Variants in DLGAP1 observed in about 807,000 individuals in gnomAD.
DLGAP1 encodes DLG associated protein 1.
DLGAP1 carries 11 observed loss-of-function variants against 90.8 expected under a neutral mutation model. That is an observed-to-expected ratio of 0.12 (90% CI 0.08 to 0.20). The LOEUF (loss-of-function observed/expected upper bound fraction) is 0.20, where lower values mean the gene tolerates loss of function less well. DLGAP1 is among the 10% of genes least tolerant of loss of function. The probability of loss-of-function intolerance (pLI) is 1.00; values close to 1 mark genes in which losing one functional copy is unlikely to be tolerated. For missense variants in DLGAP1, 1,050 were observed against 1,333.8 expected (o/e 0.79, Z 3.31); for synonymous variants, 558 against 540.7 (o/e 1.03, Z -0.44).
At chr18:3,809,644 T>C (rs1277131300) in intron 5 of DLGAP1, among the ~76,000 whole-genome samples, 1 of 152,244 alleles carries the variant, frequency 6.6e-6, no homozygotes, top group African/African-American at 2.4e-5. Context: ...TGACTATTTC[T>C]TCCAGGGGGA....
intron 1 of DLGAP1, among the ~76,000 whole-genome samples, chr18:4,397,625 A>G (rs1316824394): frequency 1.3e-5 from 2 of 152,102 alleles, no homozygotes; most frequent in Non-Finnish European, 2.9e-5. Flanking sequence ...TTTTTTCATA[A>G]GCAGTACAAG....
At chr18:4,360,597 T>G (rs532003342) in intron 1 of DLGAP1, among the ~76,000 whole-genome samples, 43 of 152,344 alleles carry the variant, frequency 2.8e-4, no homozygotes, top group Non-Finnish European at 5.3e-4. Context: ...AATTCAGTGT[T>G]ATGAATACAG....
At chr18:3,571,959 T>G (rs998373939) in intron 8 of DLGAP1, among the ~76,000 whole-genome samples, 7 of 152,184 alleles carry the variant, frequency 4.6e-5, no homozygotes, top group African/African-American at 1.7e-4. Context: ...TTTTTGTACC[T>G]TTATATTTTG....
At chr18:4,019,032 CAA>C (rs1432214742) in intron 2 of DLGAP1, among the ~76,000 whole-genome samples, 2 of 152,140 alleles carry the variant, frequency 1.3e-5, no homozygotes, top group Non-Finnish European at 1.5e-5. Flanking sequence ...TGAATTTTTT[CAA>C]AATTAATGAC....
chr18:3,908,953 A>C (rs1283082838), intron 3 of DLGAP1, among the ~76,000 whole-genome samples: 1 of 151,724 alleles, frequency 6.6e-6, no homozygotes. Context: ...TGTTCTGGTC[A>C]CAAGGTATAG....
chr18:4,082,617 T>G (rs1326484002), intron 2 of DLGAP1, among the ~76,000 whole-genome samples: 3 of 151,796 alleles, frequency 2.0e-5, no homozygotes, highest in African/African-American at 7.2e-5. Flanking sequence ...CTAGTAAATT[T>G]GCATATCTTT....
chr18:4,083,747 C>A (rs1256662962), intron 2 of DLGAP1, among the ~76,000 whole-genome samples: 1 of 152,058 alleles, frequency 6.6e-6, no homozygotes, highest in Non-Finnish European at 1.5e-5. Flanking sequence ...GGGGAGCATG[C>A]AGATGAGCAG....
intron 3 of DLGAP1, among the ~76,000 whole-genome samples, chr18:3,918,619 G>C (rs2072198933): frequency 6.6e-6 from 1 of 152,176 alleles, no homozygotes; most frequent in African/African-American, 2.4e-5. Flanking sequence ...TTCCCCCTAA[G>C]TTTTCTCTGA....
intron 2 of DLGAP1, among the ~76,000 whole-genome samples, chr18:4,065,936 A>G (rs2075364594): frequency 6.8e-6 from 1 of 147,478 alleles, no homozygotes; most frequent in Non-Finnish European, 1.5e-5. Flanking sequence ...AGCTACAGTA[A>G]TCAAAACAGC....
chr18:4,240,460 T>C (rs1336047800), intron 1 of DLGAP1, among the ~76,000 whole-genome samples: 3 of 152,144 alleles, frequency 2.0e-5, no homozygotes, highest in Non-Finnish European at 2.9e-5. Flanking sequence ...GTAAGTCTTT[T>C]AATAGGTTTC....
At chr18:4,120,091 T>A (rs2076128371) in intron 2 of DLGAP1, among the ~76,000 whole-genome samples, 1 of 152,234 alleles carries the variant, frequency 6.6e-6, no homozygotes, top group African/African-American at 2.4e-5. Context: ...ATCACTACTT[T>A]GAAAATGAAT....
At chr18:3,890,132 G>T (rs1422736848) in intron 3 of DLGAP1, among the ~76,000 whole-genome samples, 2 of 152,222 alleles carry the variant, frequency 1.3e-5, no homozygotes, top group African/African-American at 2.4e-5. Context: ...CACCACTGTG[G>T]TCTACATCCA....
intron 3 of DLGAP1, among the ~76,000 whole-genome samples, chr18:3,968,281 G>T (rs897770039): frequency 1.3e-5 from 2 of 151,834 alleles, no homozygotes; most frequent in African/African-American, 4.8e-5. Flanking sequence ...ATCTTAAAAG[G>T]CAACGCTAGA....
At chr18:3,662,142 G>T (rs2059707740) in intron 7 of DLGAP1, among the ~76,000 whole-genome samples, 1 of 152,046 alleles carries the variant, frequency 6.6e-6, no homozygotes, top group African/African-American at 2.4e-5. Flanking sequence ...AAAAGGTGCA[G>T]GTAGAGAAAG....
At chr18:3,666,255 T>C (rs1353684429) in intron 7 of DLGAP1, among the ~76,000 whole-genome samples, 1 of 152,188 alleles carries the variant, frequency 6.6e-6, no homozygotes, top group Non-Finnish European at 1.5e-5. Flanking sequence ...ATCACAAAAC[T>C]TCCAGCTGTG....
intron 7 of DLGAP1, among the ~76,000 whole-genome samples, chr18:3,613,835 G>C (rs933666430): frequency 6.6e-6 from 1 of 152,166 alleles, no homozygotes; most frequent in Non-Finnish European, 1.5e-5. Context: ...GAATATTAAA[G>C]ACTTAAAATA....
intron 12 of DLGAP1, among the ~76,000 whole-genome samples, chr18:3,500,428 C>T (rs1222120285): frequency 6.6e-6 from 1 of 152,164 alleles, no homozygotes; most frequent in Non-Finnish European, 1.5e-5. Flanking sequence ...TGAACATTAT[C>T]TTAAAATATA....
chr18:3,619,035 C>T (rs1181183709), intron 7 of DLGAP1, among the ~76,000 whole-genome samples: 1 of 152,100 alleles, frequency 6.6e-6, no homozygotes, highest in East Asian at 1.9e-4. Flanking sequence ...GCAGGACCTA[C>T]GTGCATAGAC....
In DLGAP1 at chr18:4,378,192, C is replaced by A. The variant is rs1006690701; in HGVS notation, c.-267+76814G>T. On this transcript the variant is annotated intron_variant, in intron 1 of 12. Coordinates refer to ENST00000315677, the MANE Select transcript of DLGAP1 (RefSeq NM_004746.4). The surrounding 1 kb of genome is among the most constrained non-coding windows in gnomAD (Gnocchi z 4.5). Reference sequence around the variant, plus strand: ...ATACTACAAACTATGGTTATCTATACGGAAGACTACTGAATGGGGGAGGTG... The same window carrying A: ...ATACTACAAACTATGGTTATCTATAAGGAAGACTACTGAATGGGGGAGGTG... Among the ~76,000 whole-genome samples, 1 of 150,520 alleles carries A rather than the reference C, an allele frequency of 6.6e-6. No individual in the cohort carries two copies. The highest frequency in any genetic ancestry group is 1.5e-5 in the Non-Finnish European group (1 of 67,702).
Sources: allele counts gnomAD v4.1 joint callset (sites outside exome capture counted in the v4.1 genomes callset), GRCh38; gene constraint gnomAD v4.1.1; non-coding constraint Gnocchi (gnomAD v3.1); transcripts MANE v1.5; gene names NCBI Gene and HGNC (gene_info 2026-07-23, HGNC 2026-07-21).